Variants in SLC5A8 observed in about 807,000 individuals in gnomAD.
SLC5A8 encodes the protein sodium-coupled monocarboxylate transporter 1.
A neutral mutation model predicts 71.9 loss-of-function variants in SLC5A8; 55 were observed. That is an observed-to-expected ratio of 0.77 (90% CI 0.62 to 0.96). The LOEUF (loss-of-function observed/expected upper bound fraction) is 0.96, where lower values mean the gene tolerates loss of function less well. Ranked by LOEUF, SLC5A8 falls within the 40% of genes least tolerant of loss-of-function variation. SLC5A8 has a pLI of 0.00. For missense variants in SLC5A8, 701 were observed against 745.3 expected, an observed-to-expected ratio of 0.94 and a Z score of 0.69; for synonymous variants, 307 against 276.1, an observed-to-expected ratio of 1.11 and a Z score of -1.11.
chr12:101,204,042 C>T (rs1374065060), intron 2 of SLC5A8, among the ~76,000 whole-genome samples: 1 of 152,194 alleles, frequency 6.6e-6, no homozygotes, highest in Non-Finnish European at 1.5e-5. Context: ...AGTACGATTT[C>T]AAAGAAAATT....
intron 10 of SLC5A8, among the ~76,000 whole-genome samples, chr12:101,177,427 A>G (rs2051889044): frequency 6.8e-6 from 1 of 146,782 alleles, no homozygotes; most frequent in Non-Finnish European, 1.5e-5. Flanking sequence ...CCTGCTATCA[A>G]AACCAAAGGC....
At chr12:101,193,517 T>C in intron 5 of SLC5A8, 108 bp downstream of exon 5, 1 of 1,312,694 alleles carries the variant, frequency 7.6e-7, no homozygotes, top group Non-Finnish European at 1.0e-6. Flanking sequence ...ACCACATCCT[T>C]AGCAATTTGT....
chr12:101,161,612 C>G (rs913157873), intron 13 of SLC5A8, among the ~76,000 whole-genome samples: 50 of 152,076 alleles, frequency 3.3e-4, no homozygotes, highest in African/African-American at 1.1e-3. Context: ...GTGTAAAATC[C>G]CTAACATCAT....
At chr12:101,205,524 G>T (rs774298919) in intron 1 of SLC5A8, among the ~76,000 whole-genome samples, 4 of 152,168 alleles carry the variant, frequency 2.6e-5, no homozygotes, top group Non-Finnish European at 5.9e-5. Flanking sequence ...TTACTAAGAA[G>T]TTTAAGGCTG....
At chr12:101,193,465 G>C (rs1276241572) in intron 5 of SLC5A8, among the ~76,000 whole-genome samples, 160 bp downstream of exon 5, 3 of 152,170 alleles carry the variant, frequency 2.0e-5, no homozygotes, top group Non-Finnish European at 4.4e-5. Context: ...AAGAACAGAG[G>C]GAGGCTCCTT....
At chr12:101,164,732 C>T (rs561075444) in intron 12 of SLC5A8, among the ~76,000 whole-genome samples, 7 of 152,340 alleles carry the variant, frequency 4.6e-5, no homozygotes, top group South Asian at 4.1e-4. Flanking sequence ...TCCTTGACTC[C>T]AGTCAGGCAG....
At chr12:101,194,169 T>G (rs1869057497) in intron 4 of SLC5A8, among the ~76,000 whole-genome samples, 2 of 151,710 alleles carry the variant, frequency 1.3e-5, no homozygotes, top group Non-Finnish European at 2.9e-5. Flanking sequence ...CAGGCAGAGG[T>G]GATATTTAAT....
intron 3 of SLC5A8, among the ~76,000 whole-genome samples, chr12:101,197,648 T>C (rs916709021): frequency 1.3e-5 from 2 of 152,068 alleles, no homozygotes; most frequent in African/African-American, 4.8e-5. Flanking sequence ...GAAGGGAGAT[T>C]GTAAATTTAA....
chr12:101,193,013 A>G (rs1015047239), intron 5 of SLC5A8, among the ~76,000 whole-genome samples: 2 of 136,646 alleles, frequency 1.5e-5, no homozygotes, highest in South Asian at 2.2e-4. Flanking sequence ...ACTCTGTTGC[A>G]CAGGCTGAAG....
Position 101,204,572 on chromosome 12 carries a change from C to CAA in SLC5A8, c.352-9_352-8dup, listed in dbSNP as rs200416696. ...TAAATCGAAGTTCTAAATACTGTTG[C>CAA]AAAAAAAAAAATTATGCGAATCCTC... On this transcript the variant is annotated splice_polypyrimidine_tract_variant and splice_region_variant and intron_variant, in intron 1 of 14. Coordinates refer to ENST00000536262, the MANE Select transcript of SLC5A8 (RefSeq NM_145913.5). 5.3e-5 allele frequency: 67 copies of CAA among 1,269,296 alleles called. No individual in the cohort carries two copies. The highest frequency in any genetic ancestry group is 2.0e-4 in the South Asian group (13 of 64,098). The allele number at this position is 1,269,296 out of a possible 1,614,324, so 78.6% of individuals were successfully genotyped here. A position where few individuals can be genotyped will look rare whatever the true frequency, so the allele number is the denominator to read the frequency against.
chr12:101,190,754 G>A (rs1414446463), intron 5 of SLC5A8, 146 bp from the exon 6 acceptor site: 16 of 603,818 alleles, frequency 2.6e-5, no homozygotes, highest in Middle Eastern at 4.8e-4. Flanking sequence ...TAATTTAAAA[G>A]GTAGAAATAT....
At chr12:101,160,069 C>T (rs1374367069) in intron 13 of SLC5A8, among the ~76,000 whole-genome samples, 6 of 152,258 alleles carry the variant, frequency 3.9e-5, no homozygotes, top group African/African-American at 1.4e-4. Context: ...GTAGTCCCAG[C>T]TACTCGGGAA....
Position 101,168,184 on chromosome 12 carries a change from T to C in SLC5A8, c.1234-2A>G, listed in dbSNP as rs777580746. 9 of 1,594,890 alleles carry C rather than the reference T, an allele frequency of 5.6e-6. No individual in the cohort carries two copies. Among genetic ancestry groups the C allele is most frequent in the Non-Finnish European group, 7.7e-6 (9 of 1,172,052 alleles). ...CATACCAAATACGCTGAGTGCTGCC[T>C]ACAAAAATAATACAACGTCAGCAAT... On this transcript the variant is annotated splice_acceptor_variant, in intron 10 of 14. Transcript: ENST00000536262. LOFTEE classifies it high-confidence loss of function.
chr12:101,166,757 T>G (rs2051775648), intron 11 of SLC5A8, 58 bp from the exon 12 acceptor site: 18 of 1,463,224 alleles, frequency 1.2e-5, no homozygotes, highest in Non-Finnish European at 1.5e-5. Context: ...GATGTCAAAA[T>G]TAATATTAGA....
chr12:101,203,415 T>C (rs749730383), intron 2 of SLC5A8, among the ~76,000 whole-genome samples: 36 of 152,308 alleles, frequency 2.4e-4, no homozygotes, highest in Non-Finnish European at 4.3e-4. Flanking sequence ...TGGCATGATC[T>C]CGGCTCACTA....
chr12:101,183,870 CATT>C (rs1273060484), intron 8 of SLC5A8, among the ~76,000 whole-genome samples: 1 of 152,106 alleles, frequency 6.6e-6, no homozygotes, highest in African/African-American at 2.4e-5. Context: ...AACCGATCGT[CATT>C]ATTGTGACCA....
At chr12:101,196,880 T>G (rs1205410817) in intron 3 of SLC5A8, among the ~76,000 whole-genome samples, 5 of 152,218 alleles carry the variant, frequency 3.3e-5, no homozygotes, top group African/African-American at 1.2e-4. Flanking sequence ...ACAGCCTAAT[T>G]AACTCAGAGT....
chr12:101,187,850 A>T (rs1868726924), intron 6 of SLC5A8, among the ~76,000 whole-genome samples: 2 of 152,232 alleles, frequency 1.3e-5, no homozygotes, highest in African/African-American at 2.4e-5. Flanking sequence ...AGATTTTAAT[A>T]GTCAATCGAG....
chr12:101,184,097 C>T (rs368642704), intron 8 of SLC5A8, 37 bp downstream of exon 8: 2 of 1,570,308 alleles, frequency 1.3e-6, no homozygotes, highest in Non-Finnish European at 1.7e-6. Flanking sequence ...AAGATCCCAA[C>T]AGGGAAATCA....
Sources: gnomAD v4.1 joint callset for allele counts (sites outside exome capture counted in the v4.1 genomes callset) on GRCh38, gnomAD v4.1.1 for gene constraint, MANE v1.5 for transcripts, NCBI Gene and HGNC (gene_info 2026-07-23, HGNC 2026-07-21) for gene names.